The following GPC3 variants were observed in gnomAD, a reference collection of about 807,000 sequenced individuals.
GPC3 encodes glypican-3.
Under a neutral mutation model 34.4 loss-of-function variants are expected in GPC3, and 3 were observed. The ratio of observed to expected loss-of-function variants is 0.09; its 90% CI spans 0.04 to 0.23. The LOEUF is 0.23. Among genes scored for constraint, GPC3 ranks in the 10% least tolerant of loss-of-function variants. The pLI, the probability that GPC3 is intolerant of heterozygous loss-of-function variation, is 1.00. For synonymous variants in GPC3, 177 were observed against 174.0 expected (o/e 1.02, Z -0.13); for missense variants, 351 against 445.6 (o/e 0.79, Z 1.91).
intron 6 of GPC3, 123 bp from the exon 7 acceptor site, chrX:133,596,722 C>T: frequency 2.7e-6 from 2 of 731,247 alleles, no homozygotes; most frequent in South Asian, 4.4e-5. Flanking sequence ...TAAAAAATCA[C>T]TTTCAAATTT....
intron 2 of GPC3, among the ~76,000 whole-genome samples, chrX:133,950,117 C>T (rs2076385793): frequency 8.9e-6 from 1 of 112,080 alleles, no homozygotes; most frequent in Non-Finnish European, 1.9e-5. Flanking sequence ...TGGAGTTTTT[C>T]AGAAAGAATT....
In GPC3 at chrX:133,712,053, T is replaced by C. The variant is rs372507776; in HGVS notation, c.1033-12025A>G. ...TTTCTGTAACTTATTGGACGTATTA[T>C]ACAATAAGATAAAATTTATTTGCAA... is the stretch of plus-strand genomic sequence containing the variant. On this transcript the variant is annotated intron_variant, in intron 3 of 7. Transcript: ENST00000370818. Among the ~76,000 whole-genome samples the C allele has an allele frequency of 5.3e-5, 6 of 112,641 alleles. No individual in the cohort carries two copies. The East Asian group carries it at 1.7e-3, about 31-fold the overall frequency.
chrX:133,974,874 C>T (rs2076508839), intron 1 of GPC3, among the ~76,000 whole-genome samples: 1 of 111,147 alleles, frequency 9.0e-6, no homozygotes, highest in African/African-American at 3.3e-5. Context: ...ACCTAGCAGA[C>T]ATTTTCTACC....
At chrX:133,632,226 A>G (rs1347104606) in intron 6 of GPC3, among the ~76,000 whole-genome samples, 1 of 111,069 alleles carries the variant, frequency 9.0e-6, no homozygotes, top group Non-Finnish European at 1.9e-5. Context: ...CAGCCTCCCA[A>G]GTAGCTAGGA....
intron 2 of GPC3, among the ~76,000 whole-genome samples, chrX:133,754,476 T>G (rs2071708447): frequency 8.9e-6 from 1 of 112,352 alleles, no homozygotes; most frequent in Non-Finnish European, 1.9e-5. Context: ...CGGCCTTTCA[T>G]GAAAATATTG....
intron 2 of GPC3, among the ~76,000 whole-genome samples, chrX:133,765,907 C>G (rs762581141): frequency 1.7e-4 from 19 of 111,682 alleles, no homozygotes; most frequent in African/African-American, 4.9e-4. Context: ...TACACATACC[C>G]CCTCCCAAAG....
At chrX:133,730,630 G>C (rs186215113) in intron 3 of GPC3, among the ~76,000 whole-genome samples, 1 of 111,610 alleles carries the variant, frequency 9.0e-6, no homozygotes, top group Non-Finnish European at 1.9e-5. Context: ...ATAATAGTCT[G>C]TGCATTGAAA....
intron 1 of GPC3, among the ~76,000 whole-genome samples, chrX:133,964,009 T>C (rs753407951): frequency 9.9e-5 from 11 of 110,888 alleles, no homozygotes; most frequent in Non-Finnish European, 1.5e-4. Flanking sequence ...CCAGGGTTCC[T>C]TTCTCTCTGT....
intron 7 of GPC3, 59 bp from the exon 8 acceptor site, chrX:133,536,352 C>T: frequency 1.2e-6 from 1 of 855,847 alleles, no homozygotes; most frequent in South Asian, 2.0e-5. Context: ...CAGTATAACA[C>T]TATGCACAGC....
intron 3 of GPC3, among the ~76,000 whole-genome samples, chrX:133,719,517 C>T (rs1284714047): frequency 9.0e-6 from 1 of 111,222 alleles, no homozygotes; most frequent in Non-Finnish European, 1.9e-5. Context: ...TGTTCATGTC[C>T]TTCACCCACT....
chrX:133,961,123 G>C (rs1033691268), intron 1 of GPC3, among the ~76,000 whole-genome samples: 2 of 111,834 alleles, frequency 1.8e-5, no homozygotes, highest in Non-Finnish European at 3.8e-5. Flanking sequence ...TGGGGAAAGT[G>C]ATGATTGCTG....
At chrX:133,892,542 T>C (rs1396864213) in intron 2 of GPC3, among the ~76,000 whole-genome samples, 2 of 111,373 alleles carry the variant, frequency 1.8e-5, no homozygotes, top group Non-Finnish European at 3.8e-5. Flanking sequence ...GAAGGTCTAA[T>C]GTCACAGCTT....
chrX:133,702,253 T>C (rs2071174019), intron 3 of GPC3, among the ~76,000 whole-genome samples: 1 of 112,205 alleles, frequency 8.9e-6, no homozygotes, highest in Non-Finnish European at 1.9e-5. Flanking sequence ...TCTGAAGACA[T>C]ATACATGTTT....
Position 133,664,110 on chromosome X carries a change from A to G in GPC3, c.1293-2260T>C, listed in dbSNP as rs761553132. Among the ~76,000 whole-genome samples the G allele has an allele frequency of 2.1e-3, 235 of 112,566 alleles. 1 individual carries two copies. The highest frequency in any genetic ancestry group is 7.0e-3 in the African/African-American group (219 of 31,072). On this transcript the variant is annotated intron_variant, in intron 5 of 7. Transcript: ENST00000370818. ...ACTTGTATTAAACTAAGGAAAAAAAATCAGTGAATCGGGTTCTACTGTTTA... is the reference window on the plus strand; with the variant it reads ...ACTTGTATTAAACTAAGGAAAAAAAGTCAGTGAATCGGGTTCTACTGTTTA...
intron 7 of GPC3, among the ~76,000 whole-genome samples, chrX:133,562,524 G>A (rs943641541): frequency 9.0e-6 from 1 of 110,731 alleles, no homozygotes; most frequent in Admixed American, 9.7e-5. Flanking sequence ...CCAGCTACTC[G>A]GGTGGCTGAG....
chrX:133,844,839 T>C (rs748931476), intron 2 of GPC3, among the ~76,000 whole-genome samples: 3 of 111,847 alleles, frequency 2.7e-5, no homozygotes, highest in Non-Finnish European at 5.6e-5. Flanking sequence ...TTTGGTCCCA[T>C]TTTTAGACCA....
At chrX:133,795,821 T>C (rs1214324297) in intron 2 of GPC3, among the ~76,000 whole-genome samples, 1 of 110,868 alleles carries the variant, frequency 9.0e-6, no homozygotes, top group Non-Finnish European at 1.9e-5. Context: ...CAATATAGTA[T>C]ATTCCATGGA....
At chrX:133,621,038 G>C (rs2070227113) in intron 6 of GPC3, among the ~76,000 whole-genome samples, 3 of 111,173 alleles carry the variant, frequency 2.7e-5, no homozygotes, top group Non-Finnish European at 5.7e-5. Flanking sequence ...ACTCATATTT[G>C]GCTCAGAATA....
At chrX:133,897,072 A>G (rs1326130838) in intron 2 of GPC3, among the ~76,000 whole-genome samples, 2 of 108,952 alleles carry the variant, frequency 1.8e-5, no homozygotes, top group Non-Finnish European at 3.8e-5. Context: ...ACGCCCAGCT[A>G]ATTTTTTGTA....
Sources: allele counts gnomAD v4.1 joint callset (sites outside exome capture counted in the v4.1 genomes callset), GRCh38; gene constraint gnomAD v4.1.1; transcripts MANE v1.5; gene names NCBI Gene and HGNC (gene_info 2026-07-23, HGNC 2026-07-21).